NFIA: variants seen among roughly 807,000 people sequenced by gnomAD.
NFIA encodes the protein nuclear factor 1 A-type.
A neutral mutation model predicts 62.8 loss-of-function variants in NFIA; 8 were observed. That is an observed-to-expected ratio of 0.13 (90% confidence interval 0.07 to 0.23). NFIA has a LOEUF of 0.23. NFIA is among the 10% of genes least tolerant of loss of function. The pLI, the probability that NFIA is intolerant of heterozygous loss-of-function variation, is 1.00. For synonymous variants in NFIA, 235 were observed against 238.1 expected, an observed-to-expected ratio of 0.99 and a Z score of 0.12; for missense variants, 410 against 642.1, an observed-to-expected ratio of 0.64 and a Z score of 3.91.
At chr1:61,301,878 A>G (rs527756165) in intron 3 of NFIA, among the ~76,000 whole-genome samples, 6 of 152,338 alleles carry the variant, frequency 3.9e-5, no homozygotes, top group South Asian at 2.1e-4. Flanking sequence ...CAGGTCACCT[A>G]CAAAAGCAAA....
Position 61,082,698 on chromosome 1 carries a change from T to TC in NFIA, c.-92dup. The TC allele has an allele frequency of 6.7e-7, 1 of 1,494,620 alleles. No homozygotes were observed. The highest frequency in any genetic ancestry group is 2.1e-5 in the Admixed American group (1 of 48,718). 92.6% of individuals were successfully genotyped at this position (1,494,620 alleles called of 1,614,324 possible). On this transcript the variant is annotated 5_prime_UTR_variant, in exon 1 of 11. Transcript: ENST00000403491. ...TCTCTCTCTCTCTCTCTCTCTCTCT[T>TC]CCTCTCTCCCTCTTTCTCCTCTCTC...
chr1:61,099,933 G>T (rs1013708), intron 2 of NFIA, among the ~76,000 whole-genome samples: 4,033 of 152,226 alleles, frequency 0.026, 193 homozygotes, highest in African/African-American at 0.094. Context: ...GGGTTATATG[G>T]TTAATAAGTG....
At chr1:61,353,057 G>A (rs1022947508) in intron 5 of NFIA, among the ~76,000 whole-genome samples, 3 of 152,136 alleles carry the variant, frequency 2.0e-5, no homozygotes, top group Admixed American at 2.0e-4. Context: ...TTGGCAGGAA[G>A]TGAACACTGG....
intron 2 of NFIA, among the ~76,000 whole-genome samples, chr1:61,163,344 G>A (rs1649344342): frequency 6.6e-6 from 1 of 151,006 alleles, no homozygotes; most frequent in African/African-American, 2.5e-5. Flanking sequence ...TGAATTCTCT[G>A]TCTGCTGCTT....
intron 3 of NFIA, 74 bp from the exon 4 acceptor site, chr1:61,332,437 AC>A: frequency 7.3e-7 from 1 of 1,373,200 alleles, no homozygotes; most frequent in South Asian, 1.2e-5. Context: ...TCATAATGAA[AC>A]TAATATTTAA....
intron 2 of NFIA, among the ~76,000 whole-genome samples, chr1:61,223,784 C>T (rs1354659236): frequency 6.6e-6 from 1 of 151,958 alleles, no homozygotes; most frequent in Admixed American, 6.6e-5. Flanking sequence ...ACTCTGTGAC[C>T]AAAATCTAGA....
chr1:61,313,295 G>A (rs551054936), intron 3 of NFIA, among the ~76,000 whole-genome samples: 3 of 152,314 alleles, frequency 2.0e-5, no homozygotes, highest in Admixed American at 2.0e-4. Context: ...CTGGTCTGTG[G>A]GCTGTGCAGG....
At chr1:61,376,450 C>T (rs781195888) in intron 6 of NFIA, among the ~76,000 whole-genome samples, 3 of 152,120 alleles carry the variant, frequency 2.0e-5, no homozygotes, top group Non-Finnish European at 2.9e-5. Flanking sequence ...TCATTATCTT[C>T]TTCTAAATCT....
chr1:61,165,861 A>AT lies in NFIA; in HGVS notation c.559+77182dup, dbSNP rs535062351. On this transcript the variant is annotated intron_variant, in intron 2 of 10. Coordinates refer to ENST00000403491, the MANE Select transcript of NFIA (RefSeq NM_001134673.4). ...AAAAGCATGGGAACTTTTACAACAT[A>AT]TAATCCAATACGTAATCACTTTGTC... Among the ~76,000 whole-genome samples, 40 of 152,334 alleles carry AT rather than the reference A, an allele frequency of 2.6e-4. 1 individual carries two copies. The highest frequency in any genetic ancestry group is 8.2e-4 in the African/African-American group (34 of 41,590).
intron 2 of NFIA, among the ~76,000 whole-genome samples, chr1:61,216,779 C>T (rs1271134194): frequency 6.6e-6 from 1 of 152,098 alleles, no homozygotes; most frequent in Non-Finnish European, 1.5e-5. Flanking sequence ...GCAGGCAGAT[C>T]ACTTAAAGTC....
chr1:61,306,842 G>C (rs2806435), intron 3 of NFIA, among the ~76,000 whole-genome samples: 113,260 of 152,022 alleles, frequency 0.75, 42,291 homozygotes, highest in South Asian at 0.82. Context: ...TGTCTGTCTT[G>C]ACATATCAGG....
chr1:61,301,438 CT>C (rs1297704042), intron 3 of NFIA, among the ~76,000 whole-genome samples: 6 of 152,144 alleles, frequency 3.9e-5, no homozygotes, highest in African/African-American at 1.2e-4. Context: ...CACAGCCAAA[CT>C]TTTGATTAAA....
chr1:61,220,111 A>G (rs1417178264), intron 2 of NFIA, among the ~76,000 whole-genome samples: 1 of 152,234 alleles, frequency 6.6e-6, no homozygotes, highest in African/African-American at 2.4e-5. Context: ...TTGATGAGAA[A>G]GGAGCAAGTG....
At chr1:61,440,111 C>T (rs1295082736) in intron 10 of NFIA, among the ~76,000 whole-genome samples, 1 of 151,964 alleles carries the variant, frequency 6.6e-6, no homozygotes. Flanking sequence ...TTAATGTTTC[C>T]TAGTTAAGAT....
chr1:61,145,762 G>A (rs771533701), intron 2 of NFIA, among the ~76,000 whole-genome samples: 4 of 152,204 alleles, frequency 2.6e-5, no homozygotes, highest in South Asian at 4.1e-4. Flanking sequence ...ACCATTTGGC[G>A]TTCTTCTGCT....
intron 2 of NFIA, among the ~76,000 whole-genome samples, chr1:61,098,011 A>AT (rs1646446186): frequency 6.6e-6 from 1 of 152,196 alleles, no homozygotes; most frequent in Non-Finnish European, 1.5e-5. Flanking sequence ...TCTTCGTGGC[A>AT]TTTTTTAACA....
In NFIA at chr1:61,279,661, G is replaced by A. The variant is rs192324182; in HGVS notation, c.625+2076G>A. Among the ~76,000 whole-genome samples the A allele has an allele frequency of 2.8e-4, 42 of 151,772 alleles. No individual in the cohort carries two copies. In the East Asian group the frequency reaches 5.4e-3, roughly 20 times the overall value. ...TGTGGACTGTACGGGTGTGTAGTTCGCGTATTTAGGTCTGGCCGCCCCTCT... is the reference window on the plus strand; with the variant it reads ...TGTGGACTGTACGGGTGTGTAGTTCACGTATTTAGGTCTGGCCGCCCCTCT... On this transcript the variant is annotated intron_variant, in intron 3 of 10. Transcript: ENST00000403491.
intron 1 of NFIA, among the ~76,000 whole-genome samples, chr1:61,085,968 T>C (rs1250673246): frequency 6.6e-6 from 1 of 152,182 alleles, no homozygotes; most frequent in Non-Finnish European, 1.5e-5. Flanking sequence ...TGGGAGTATC[T>C]ACAGACACTT....
chr1:61,121,859 A>G (rs1470507114), intron 2 of NFIA, among the ~76,000 whole-genome samples: 1 of 152,202 alleles, frequency 6.6e-6, no homozygotes, highest in Admixed American at 6.5e-5. Context: ...CTGAAGTTAC[A>G]TCACTGTGCA....
Sources: allele counts gnomAD v4.1 joint callset (sites outside exome capture counted in the v4.1 genomes callset), GRCh38; gene constraint gnomAD v4.1.1; transcripts MANE v1.5; gene names NCBI Gene and HGNC (gene_info 2026-07-23, HGNC 2026-07-21).